Variants in ZNF91 observed in about 807,000 individuals in gnomAD.
ZNF91 encodes zinc finger protein 91 (HPF7, HTF10).
Under a neutral mutation model 12.6 loss-of-function variants are expected in ZNF91, and 7 were observed. That is an observed-to-expected ratio of 0.55 (90% CI 0.31 to 1.04). The LOEUF (loss-of-function observed/expected upper bound fraction) is 1.04, where lower values mean the gene tolerates loss of function less well. Among genes scored for constraint, ZNF91 ranks in the 50% least tolerant of loss-of-function variants. The pLI is 0.05. For synonymous variants in ZNF91, 453 were observed against 462.6 expected (o/e 0.98, Z 0.27); for missense variants, 1,217 against 1,385.4 (o/e 0.88, Z 1.93).
chr19:23,380,266 C>CAAAAAAAAAAAAAAAAA lies in ZNF91; in HGVS notation c.31-5519_31-5503dup, dbSNP rs199502898. 2 of 52,728 alleles carry CAAAAAAAAAAAAAAAAA rather than the reference C, an allele frequency of 3.8e-5. 1 individual carries two copies. Among genetic ancestry groups the CAAAAAAAAAAAAAAAAA allele is most frequent in the African/African-American group, 1.1e-4 (2 of 17,412 alleles). 3.3% of individuals were successfully genotyped at this position (52,728 alleles called of 1,614,324 possible). On this transcript the variant is annotated intron_variant, in intron 1 of 3. Coordinates refer to ENST00000300619, the MANE Select transcript of ZNF91 (RefSeq NM_003430.4). ...TGGGCAATGGGGGGAAAATCCGTCTCAAAAAAAAAAAAAAAAAAAAAAAAA... is the reference window on the plus strand; with the variant it reads ...TGGGCAATGGGGGGAAAATCCGTCTCAAAAAAAAAAAAAAAAAAAAAAAAAAAAAAAAAAAAAAAAAA...
At chr19:23,390,477 G>A (rs947528882) in intron 1 of ZNF91, among the ~76,000 whole-genome samples, 5 of 151,930 alleles carry the variant, frequency 3.3e-5, no homozygotes, top group Non-Finnish European at 5.9e-5. Context: ...GTGGGGGGGC[G>A]GAAAAACCCT....
At chr19:23,388,293 A>T (rs556632752) in intron 1 of ZNF91, among the ~76,000 whole-genome samples, 3 of 152,238 alleles carry the variant, frequency 2.0e-5, no homozygotes, top group Non-Finnish European at 4.4e-5. Context: ...CATAAACATC[A>T]TGGAATACCG....
At chr19:23,329,072 T>C (rs1568369926) in intron 1 of ZNF91, 1 of 152,252 alleles carries the variant, frequency 6.6e-6, no homozygotes, top group Non-Finnish European at 1.5e-5. Flanking sequence ...CAATGTTACA[T>C]TCTTGAAAAT....
At chr19:23,309,321 CT>C (rs2145840943) in intron 1 of ZNF91, among the ~76,000 whole-genome samples, 1 of 152,246 alleles carries the variant, frequency 6.6e-6, no homozygotes, top group Admixed American at 6.5e-5. Flanking sequence ...CTCTCTTCCT[CT>C]GCGTTCATGC....
intron 1 of ZNF91, among the ~76,000 whole-genome samples, chr19:23,389,224 A>G (rs1264321582): frequency 6.6e-6 from 1 of 152,120 alleles, no homozygotes; most frequent in Non-Finnish European, 1.5e-5. Context: ...TGTGCTACAG[A>G]TAGTGGCCCA....
downstream of ZNF91, among the ~76,000 whole-genome samples, chr19:23,354,169 T>A (rs1216736972): frequency 6.6e-6 from 1 of 152,110 alleles, no homozygotes; most frequent in Non-Finnish European, 1.5e-5. Flanking sequence ...ATATCCTTGA[T>A]AAACATTGAT....
At position 23,362,568 on chromosome 19, in the gene ZNF91, T is replaced by C. The variant is rs778795350; in HGVS notation, c.411A>G (p.Glu137=). 1 of 1,602,156 alleles carries C rather than the reference T, an allele frequency of 6.2e-7. No homozygotes were observed. ...KSVDECKVHK[E]GYNKLNQCLT... is the part of the protein sequence containing the mutation. Reference sequence around the variant, plus strand: ...GACACTGGTTAAGTTTATTATAACCTTCTTTGTGCACCTTACACTCATCCA... The same window carrying C: ...GACACTGGTTAAGTTTATTATAACCCTCTTTGTGCACCTTACACTCATCCA... The change falls in exon 4 of 4, where the codon GAA becomes GAG. Residue 137 remains glutamate, a synonymous_variant. Transcript: ENST00000300619.
chr19:23,345,327 C>T (rs1968202245), intron 3 of ZNF91, among the ~76,000 whole-genome samples: 2 of 152,172 alleles, frequency 1.3e-5, no homozygotes, highest in Non-Finnish European at 1.5e-5. Flanking sequence ...AACCTCAGGC[C>T]TCAGTCAAGA....
In ZNF91 at chr19:23,360,651, G is replaced by A; in HGVS notation, c.2328C>T (p.Gly776=). 1 of 1,613,760 alleles carries A rather than the reference G, an allele frequency of 6.2e-7. No homozygotes were observed. Among genetic ancestry groups the A allele is most frequent in the Non-Finnish European group, 8.5e-7 (1 of 1,179,888 alleles). The change falls in exon 4 of 4, where the codon GGC becomes GGT. Residue 776 remains glycine (G), a synonymous_variant. Coordinates refer to ENST00000300619, the MANE Select transcript of ZNF91 (RefSeq NM_003430.4). ...GGGTTGAAGACCATATAAATGCTTT[G>A]CCACATTCTTTACATTTGAAGGGTT... ...REKPFKCKEC[G]KAFIWSSTLT... is the part of the protein sequence containing the mutation.
intron 3 of ZNF91, among the ~76,000 whole-genome samples, chr19:23,373,365 TATATATATATATATATATATAA>T (rs896396325): frequency 6.3e-5 from 8 of 127,910 alleles, no homozygotes; most frequent in East Asian, 3.6e-4. Flanking sequence ...TATATATATA[TATATATATATATATATATATAA>T]ATAAACAGTA....
downstream of ZNF91, among the ~76,000 whole-genome samples, chr19:23,355,075 A>C (rs1366559349): frequency 1.3e-5 from 2 of 152,106 alleles, no homozygotes; most frequent in Non-Finnish European, 2.9e-5. Context: ...CCATCAAAAA[A>C]CCACCGTCAT....
At position 23,379,440 on chromosome 19, in the gene ZNF91, G is replaced by A. The variant is rs183832909; in HGVS notation, c.31-4676C>T. 2.3e-3 allele frequency among the ~76,000 whole-genome samples: 346 copies of A among 152,226 alleles called. 1 individual carries two copies. Among genetic ancestry groups the A allele is most frequent in the African/African-American group, 6.7e-3 (279 of 41,558 alleles). ...ACAGTAATAGAACAGAAAGAAAACT[G>A]TCTCATTACACAATTAAGTCTGAAT... is the stretch of plus-strand genomic sequence containing the variant. On this transcript the variant is annotated intron_variant, in intron 1 of 3. Transcript: ENST00000300619.
intron 1 of ZNF91, chr19:23,309,127 G>A (rs1469122888): frequency 2.1e-5 from 3 of 145,800 alleles, no homozygotes; most frequent in African/African-American, 7.5e-5. Flanking sequence ...AAAGGTTATT[G>A]TAACATATCA....
At chr19:23,319,003 TTA>T (rs1362101831) in intron 1 of ZNF91, among the ~76,000 whole-genome samples, 1 of 152,176 alleles carries the variant, frequency 6.6e-6, no homozygotes, top group Non-Finnish European at 1.5e-5. Context: ...ATGTGACAGG[TTA>T]TGTGACTCTC....
Position 23,361,571 on chromosome 19 carries a change from C to T in ZNF91, c.1408G>A (p.Ala470Thr), listed in dbSNP as rs753843873. Residue 470 changes from alanine to threonine, a missense_variant, in exon 4 of 4, where the codon GCA becomes ACA. Ala to Thr is a moderately conservative substitution (Grantham distance 58, BLOSUM62 0). Coordinates refer to ENST00000300619, the MANE Select transcript of ZNF91 (RefSeq NM_003430.4). ...KPFKCKECGKAFIWSSTLTRH... is the reference protein window; with the variant it reads ...KPFKCKECGKTFIWSSTLTRH... ...GTTAGGGTTGAAGACCATATAAATG[C>T]TTTGCCACATTCTTTACATTTGAAG... The T allele has an allele frequency of 2.9e-5, 47 of 1,613,532 alleles. No homozygotes were observed. The South Asian group carries it at 4.3e-4, about 15-fold the overall frequency.
chr19:23,390,382 G>A (rs189619207), intron 1 of ZNF91, among the ~76,000 whole-genome samples: 1 of 152,224 alleles, frequency 6.6e-6, no homozygotes. Context: ...AAGAATAAAG[G>A]TGGAAAAAGA....
downstream of ZNF91, among the ~76,000 whole-genome samples, chr19:23,356,500 T>C (rs533393046): frequency 6.6e-6 from 1 of 152,280 alleles, no homozygotes; most frequent in South Asian, 2.1e-4. Context: ...AAACCAAATA[T>C]CGTATGTTCT....
intron 1 of ZNF91, among the ~76,000 whole-genome samples, chr19:23,323,371 C>A (rs1403667210): frequency 1.4e-5 from 2 of 145,760 alleles, no homozygotes; most frequent in Middle Eastern, 3.7e-3. Context: ...CTCCTCTTCC[C>A]TTCCTCTTCC....
At chr19:23,381,002 A>T (rs1039997552) in intron 1 of ZNF91, 1 of 152,210 alleles carries the variant, frequency 6.6e-6, no homozygotes, top group African/African-American at 2.4e-5. Flanking sequence ...TAATAGCAGC[A>T]TTCCAATTTC....
Sources: allele counts gnomAD v4.1 joint callset (sites outside exome capture counted in the v4.1 genomes callset), GRCh38; gene constraint gnomAD v4.1.1; transcripts MANE v1.5; gene names NCBI Gene and HGNC (gene_info 2026-07-23, HGNC 2026-07-21).